Variants in EBF2 observed in about 807,000 individuals in gnomAD.
The protein encoded by EBF2 is EBF transcription factor 2, also known as transcription factor COE2.
In EBF2, 21 loss-of-function variants were observed where a neutral mutation model predicts 72.8. That is an observed-to-expected ratio of 0.29 (90% confidence interval 0.20 to 0.42). EBF2 has a LOEUF of 0.42. Among genes scored for constraint, EBF2 ranks in the 10% least tolerant of loss-of-function variants. The pLI is 1.00. For missense variants in EBF2, 637 were observed against 731.2 expected (o/e 0.87, Z 1.49); for synonymous variants, 299 against 274.2 (o/e 1.09, Z -0.89).
At position 26,042,144 on chromosome 8, in the gene EBF2, G is replaced by T; in HGVS notation, c.239C>A (p.Pro80Gln). The change falls in exon 2 of 16, where the codon CCG becomes CAG. Residue 80 changes from proline (P) to glutamine (Q), a missense_variant. Pro to Gln is a moderately conservative substitution (Grantham distance 76). Around this residue, in one of 3 missense-constraint regions of EBF2, gnomAD observed 174 missense variants for 161.9 expected, o/e 1.07. Transcript: ENST00000520164. ...GAAGGCCGTCCGCTCGATCTCCACC[G>T]GCTGGCCCTGCCTGTCATAGAGCGC... ...VLALYDRQGQ[P>Q]VEIERTAFVD... 2 of 1,614,130 alleles carry T rather than the reference G, an allele frequency of 1.2e-6. No homozygotes were observed. Among genetic ancestry groups the T allele is most frequent in the Non-Finnish European group, 1.7e-6 (2 of 1,180,024 alleles).
intron 6 of EBF2, among the ~76,000 whole-genome samples, chr8:25,986,001 CAAAAAAA>C (rs59820523): frequency 1.1e-4 from 3 of 28,556 alleles, no homozygotes; most frequent in African/African-American, 1.8e-4. Context: ...AACTCTGTCT[CAAAAAAA>C]AAAAAAAAAA....
At chr8:26,041,975 C>T in intron 2 of EBF2, 120 bp downstream of exon 2, 2 of 1,433,044 alleles carry the variant, frequency 1.4e-6, no homozygotes, top group Non-Finnish European at 1.9e-6. Flanking sequence ...TGAGTAGCCT[C>T]GATTTATCAT....
At chr8:25,888,980 T>A (rs1307192627) in intron 8 of EBF2, among the ~76,000 whole-genome samples, 1 of 152,226 alleles carries the variant, frequency 6.6e-6, no homozygotes, top group Non-Finnish European at 1.5e-5. Flanking sequence ...CTTTACTGAT[T>A]CAATCATTTT....
chr8:25,921,474 C>T (rs890095454), intron 6 of EBF2, among the ~76,000 whole-genome samples: 3 of 152,148 alleles, frequency 2.0e-5, no homozygotes, highest in Non-Finnish European at 4.4e-5. Context: ...TCGGTCTAAG[C>T]TCTACCCAAC....
At chr8:26,009,180 A>G (rs76587143) in intron 6 of EBF2, among the ~76,000 whole-genome samples, 206 of 145,530 alleles carry the variant, frequency 1.4e-3, no homozygotes, top group African/African-American at 4.7e-3. Flanking sequence ...GAAAAAAGTT[A>G]TTTTGCTCTT....
chr8:25,849,850 G>C (rs1473697572), intron 15 of EBF2, among the ~76,000 whole-genome samples: 1 of 152,156 alleles, frequency 6.6e-6, no homozygotes, highest in African/African-American at 2.4e-5. Context: ...CATGTAACCA[G>C]AATTCTCAGA....
intron 6 of EBF2, among the ~76,000 whole-genome samples, chr8:25,912,760 G>A (rs901170): frequency 0.53 from 80,202 of 151,836 alleles, 23,758 homozygotes; most frequent in East Asian, 0.74. Context: ...ATTCAAATAC[G>A]TTTCTCCAGA....
intron 5 of EBF2, among the ~76,000 whole-genome samples, chr8:26,039,399 C>A (rs903370628): frequency 5.9e-5 from 9 of 152,154 alleles, no homozygotes; most frequent in Non-Finnish European, 1.2e-4. Context: ...GATCTCCCAG[C>A]GGGTCCTCTC....
intron 7 of EBF2, among the ~76,000 whole-genome samples, chr8:25,907,229 G>T (rs1803049574): frequency 6.6e-6 from 1 of 151,508 alleles, no homozygotes; most frequent in African/African-American, 2.4e-5. Context: ...GACCAACCTG[G>T]GCAACATGGC....
chr8:26,042,243 G>A lies in EBF2; in HGVS notation c.140C>T (p.Ala47Val), dbSNP rs766050333. The A allele has an allele frequency of 2.5e-6, 4 of 1,613,432 alleles. No homozygotes were observed. The Admixed American group carries it at 6.7e-5, about 27-fold the overall frequency. ...DANVAAQSGV[A>V]LSRAHFEKQP... is the part of the protein sequence containing the mutation. ...TTTCTCAAAGTGGGCCCGGGACAGG[G>A]CGACCCCGCTGCACAGGGAGAAAAA... The change falls in exon 2 of 16, where the codon GCC (alanine) becomes GTC (valine). Residue 47 changes from alanine to valine, a missense_variant. Ala to Val is a moderately conservative substitution (Grantham distance 64). Around this residue, in one of 3 missense-constraint regions of EBF2, gnomAD observed 174 missense variants for 161.9 expected, o/e 1.07. Coordinates refer to ENST00000520164, the MANE Select transcript of EBF2 (RefSeq NM_022659.4).
At position 25,841,952 on chromosome 8, in the gene EBF2, CT is replaced by C. The variant is rs1161682076; in HGVS notation, c.*2656del. ...TATACAGTGTGAAAATGAAACCTTA[CT>C]GTACAAAAGGTAGAGAAGTTAATGG... On this transcript the variant is annotated 3_prime_UTR_variant, in exon 16 of 16. Transcript: ENST00000520164. 6.6e-6 allele frequency: 1 copy of C among 152,102 alleles called. No individual in the cohort carries two copies. The highest frequency in any genetic ancestry group is 6.6e-5 in the Admixed American group (1 of 15,260). The allele number at this position is 152,102 out of a possible 1,614,324, so 9.4% of individuals were successfully genotyped here. A position where few individuals can be genotyped will look rare whatever the true frequency, so the allele number is the denominator to read the frequency against.
At chr8:26,043,393 A>G (rs1378136973) in intron 1 of EBF2, among the ~76,000 whole-genome samples, 1 of 152,242 alleles carries the variant, frequency 6.6e-6, no homozygotes. Flanking sequence ...AAACTTTTTG[A>G]TCCCGGGAAG....
At chr8:25,879,145 C>A (rs1282918237) in intron 10 of EBF2, among the ~76,000 whole-genome samples, 3 of 152,306 alleles carry the variant, frequency 2.0e-5, no homozygotes, top group East Asian at 3.9e-4. Context: ...TAAAACTACT[C>A]ATTTTTCATA....
At chr8:25,882,541 G>A (rs1010358581) in intron 10 of EBF2, among the ~76,000 whole-genome samples, 1 of 152,056 alleles carries the variant, frequency 6.6e-6, no homozygotes, top group Non-Finnish European at 1.5e-5. Flanking sequence ...ATCAGTAAAT[G>A]GTATAAACCC....
At chr8:26,010,090 G>T (rs535914758) in intron 6 of EBF2, among the ~76,000 whole-genome samples, 1 of 152,270 alleles carries the variant, frequency 6.6e-6, no homozygotes, top group African/African-American at 2.4e-5. Context: ...AAGTCGGGGG[G>T]AACAGAAAGA....
intron 7 of EBF2, among the ~76,000 whole-genome samples, chr8:25,897,276 A>G (rs929372220): frequency 6.6e-6 from 1 of 152,204 alleles, no homozygotes; most frequent in Admixed American, 6.5e-5. Flanking sequence ...ATACTTGATG[A>G]CAAGAATATA....
intron 10 of EBF2, 61 bp downstream of exon 10, chr8:25,886,694 T>G: frequency 6.5e-7 from 1 of 1,537,782 alleles, no homozygotes. Flanking sequence ...GTGCAGATAC[T>G]GGGAACTAGC....
Position 25,928,254 on chromosome 8 carries a change from G to A in EBF2, c.552-19699C>T, listed in dbSNP as rs138399898. 6.0e-3 allele frequency among the ~76,000 whole-genome samples: 911 copies of A among 152,234 alleles called. 5 individuals are homozygous for A. Among genetic ancestry groups the A allele is most frequent in the African/African-American group, 0.02 (846 of 41,520 alleles). On this transcript the variant is annotated intron_variant, in intron 6 of 15. Coordinates refer to ENST00000520164, the MANE Select transcript of EBF2 (RefSeq NM_022659.4). ...GACTGTTGCCATCTAAGGTGCACAC[G>A]CTGGATTTCCACATGCTGCAGGAAT...
At chr8:25,944,530 G>C (rs1803732356) in intron 6 of EBF2, among the ~76,000 whole-genome samples, 1 of 150,424 alleles carries the variant, frequency 6.6e-6, no homozygotes, top group Admixed American at 6.6e-5. Context: ...AAATTGTATA[G>C]TCTATAATAT....
Sources: allele counts gnomAD v4.1 joint callset (sites outside exome capture counted in the v4.1 genomes callset), GRCh38; gene constraint gnomAD v4.1.1; regional missense constraint gnomAD v4.1.1; transcripts MANE v1.5; gene names NCBI Gene and HGNC (gene_info 2026-07-23, HGNC 2026-07-21).